The following NECTIN3 variants were observed in gnomAD, a reference collection of about 807,000 sequenced individuals.
NECTIN3 encodes nectin cell adhesion molecule 3, also known as nectin-3.
NECTIN3 carries 8 observed loss-of-function variants against 49.4 expected under a neutral mutation model. The ratio of observed to expected loss-of-function variants is 0.16; its 90% CI spans 0.10 to 0.29. NECTIN3 has a LOEUF of 0.29. Ranked by LOEUF, NECTIN3 falls within the 10% of genes least tolerant of loss-of-function variation. The pLI, the probability that NECTIN3 is intolerant of heterozygous loss-of-function variation, is 1.00. For synonymous variants in NECTIN3, 277 were observed against 241.1 expected, an observed-to-expected ratio of 1.15 and a Z score of -1.38; for missense variants, 581 against 654.6, an observed-to-expected ratio of 0.89 and a Z score of 1.23.
rs560836792 is a variant in NECTIN3, at chr3:111,089,738, T to C, written c.160+17561T>C. 4.6e-5 allele frequency among the ~76,000 whole-genome samples: 7 copies of C among 152,270 alleles called. 1 individual carries two copies. In the South Asian group the frequency reaches 1.0e-3, roughly 23 times the overall value. On this transcript the variant is annotated intron_variant, in intron 1 of 5. Coordinates refer to ENST00000485303, the MANE Select transcript of NECTIN3 (RefSeq NM_015480.3). ...AAAAAATTGCCTTTGTTGGGTGAAG[T>C]GTTCTCTCTCCATGTATGTATGTGT... is the stretch of plus-strand genomic sequence containing the variant.
chr3:111,072,551 C>T (rs922635246), intron 1 of NECTIN3: 80 of 1,535,748 alleles, frequency 5.2e-5, no homozygotes, highest in Middle Eastern at 1.7e-4. Flanking sequence ...CGCTTTTTTT[C>T]CCGGTGAAAC....
At chr3:111,073,563 G>A (rs1228690800) in intron 1 of NECTIN3, 1 of 152,324 alleles carries the variant, frequency 6.6e-6, no homozygotes, top group Non-Finnish European at 1.5e-5. Flanking sequence ...CCAAGACAAA[G>A]TTCTTAATGC....
chr3:111,116,255 A>G (rs573417931), intron 2 of NECTIN3, among the ~76,000 whole-genome samples: 7 of 152,308 alleles, frequency 4.6e-5, no homozygotes, highest in African/African-American at 1.4e-4. Context: ...TCAAGAAAAG[A>G]TATGAAAGTT....
In NECTIN3 at chr3:111,118,969, A is replaced by C; in HGVS notation, c.799+17A>C. ...ACATACAGTGTAAGTAAATGGTAAC[A>C]TTTACTTTTTAAATATTTGTCAGCA... On this transcript the variant is annotated intron_variant, in intron 3 of 5. Coordinates refer to ENST00000485303, the MANE Select transcript of NECTIN3 (RefSeq NM_015480.3). 1 of 1,546,344 alleles carries C rather than the reference A, an allele frequency of 6.5e-7. No individual in the cohort carries two copies. Among genetic ancestry groups the C allele is most frequent in the South Asian group, 1.2e-5 (1 of 83,232 alleles).
upstream of NECTIN3, among the ~76,000 whole-genome samples, chr3:111,188,118 AAG>A (rs1054013523): frequency 6.6e-6 from 1 of 152,224 alleles, no homozygotes; most frequent in African/African-American, 2.4e-5. Flanking sequence ...ATTAAATAAA[AAG>A]AGACGCTAGT....
chr3:111,128,405 C>A (rs1016737632), intron 5 of NECTIN3, among the ~76,000 whole-genome samples: 21 of 151,766 alleles, frequency 1.4e-4, no homozygotes, highest in African/African-American at 5.1e-4. Context: ...TGATAATATC[C>A]TAAATTTATA....
At chr3:111,140,943 A>C (rs745824895), downstream of NECTIN3, among the ~76,000 whole-genome samples, 2 of 152,000 alleles carry the variant, frequency 1.3e-5, no homozygotes, top group Non-Finnish European at 2.9e-5. Context: ...ATATTTCTAT[A>C]CTTCCTGGAT....
intron 1 of NECTIN3, among the ~76,000 whole-genome samples, chr3:111,078,134 G>A (rs2031349221): frequency 6.6e-6 from 1 of 152,144 alleles, no homozygotes; most frequent in Non-Finnish European, 1.5e-5. Context: ...GTATTCAAGT[G>A]TGATGTTCCT....
intron 5 of NECTIN3, among the ~76,000 whole-genome samples, chr3:111,129,902 A>G (rs1204584475): frequency 5.3e-5 from 8 of 151,078 alleles, no homozygotes; most frequent in Admixed American, 2.0e-4. Context: ...CACCCACCTC[A>G]GGCTCCTAGT....
chr3:111,192,357 C>A (rs868810047), exon 1 of NECTIN3: 1 of 1,535,862 alleles, frequency 6.5e-7, no homozygotes, highest in Non-Finnish European at 8.7e-7. Context: ...CCAGCCTGAA[C>A]ACTTGCCTTT....
chr3:111,083,523 G>A (rs2031751781), intron 1 of NECTIN3, among the ~76,000 whole-genome samples: 1 of 152,188 alleles, frequency 6.6e-6, no homozygotes, highest in Non-Finnish European at 1.5e-5. Context: ...ATGCCAGGAA[G>A]AGGGCTGTCA....
chr3:111,141,690 A>G (rs1216790986), downstream of NECTIN3, among the ~76,000 whole-genome samples: 1 of 151,912 alleles, frequency 6.6e-6, no homozygotes, highest in Non-Finnish European at 1.5e-5. Context: ...ATGAGTTACC[A>G]TTACTACTGT....
intron 6 of NECTIN3, chr3:111,145,102 CT>C (rs935820397): frequency 2.1e-6 from 3 of 1,447,422 alleles, no homozygotes; most frequent in Non-Finnish European, 2.8e-6. Flanking sequence ...TTATGTTTAC[CT>C]TTACAGCTCC....
intron 1 of NECTIN3, among the ~76,000 whole-genome samples, chr3:111,101,291 T>C (rs556975405): frequency 6.6e-6 from 1 of 152,252 alleles, no homozygotes; most frequent in East Asian, 1.9e-4. Flanking sequence ...TGTTTGAGAA[T>C]AGATGATGAA....
intron 1 of NECTIN3, among the ~76,000 whole-genome samples, chr3:111,091,209 C>T (rs2032248695): frequency 6.6e-6 from 1 of 152,110 alleles, no homozygotes; most frequent in African/African-American, 2.4e-5. Context: ...CTATATATTT[C>T]ATTAAATGCT....
At chr3:111,108,854 A>G (rs1249893471) in intron 1 of NECTIN3, among the ~76,000 whole-genome samples, 1 of 152,194 alleles carries the variant, frequency 6.6e-6, no homozygotes, top group South Asian at 2.1e-4. Flanking sequence ...CTCCACTCCC[A>G]TGACCCAAAT....
downstream of NECTIN3, among the ~76,000 whole-genome samples, chr3:111,139,266 T>G (rs1559804568): frequency 6.6e-6 from 1 of 151,740 alleles, no homozygotes; most frequent in Non-Finnish European, 1.5e-5. Flanking sequence ...GTATGTATTT[T>G]GCAGTTTTAA....
chr3:111,128,202 T>C (rs761455346), intron 5 of NECTIN3, among the ~76,000 whole-genome samples: 3 of 151,260 alleles, frequency 2.0e-5, no homozygotes, highest in Non-Finnish European at 4.4e-5. Context: ...GCCGGCATGG[T>C]GGTATGCGCC....
intron 7 of NECTIN3, among the ~76,000 whole-genome samples, chr3:111,165,788 A>G (rs1357707771): frequency 1.3e-5 from 2 of 152,194 alleles, no homozygotes; most frequent in Non-Finnish European, 2.9e-5. Context: ...TGAATTAGTA[A>G]TTATTAAGAT....
Sources: allele counts gnomAD v4.1 joint callset (sites outside exome capture counted in the v4.1 genomes callset), GRCh38; gene constraint gnomAD v4.1.1; transcripts MANE v1.5; gene names NCBI Gene and HGNC (gene_info 2026-07-23, HGNC 2026-07-21).